The following ADAMTS3 variants were observed in gnomAD, a reference collection of about 807,000 sequenced individuals.
ADAMTS3 encodes the protein ADAM metallopeptidase with thrombospondin type 1 motif 3.
ADAMTS3 carries 73 observed loss-of-function variants against 129.0 expected under a neutral mutation model. The observed-to-expected ratio is 0.57, with a 90% CI of 0.47 to 0.69. The LOEUF (loss-of-function observed/expected upper bound fraction) is 0.69. Ranked by LOEUF, ADAMTS3 falls within the 30% of genes least tolerant of loss-of-function variation. ADAMTS3 has a pLI of 0.00. For missense variants in ADAMTS3, 1,457 were observed against 1,514.5 expected (o/e 0.96, Z 0.63); for synonymous variants, 477 against 510.8 (o/e 0.93, Z 0.89).
intron 3 of ADAMTS3, among the ~76,000 whole-genome samples, chr4:72,427,472 G>T (rs2109941513): frequency 6.6e-6 from 1 of 152,124 alleles, no homozygotes; most frequent in East Asian, 1.9e-4. Context: ...TAAGCTCTCT[G>T]TTCCATGCAA....
At chr4:72,518,665 CTTTT>C (rs979561531) in intron 3 of ADAMTS3, among the ~76,000 whole-genome samples, 1 of 151,874 alleles carries the variant, frequency 6.6e-6, no homozygotes, top group Non-Finnish European at 1.5e-5. Flanking sequence ...GCAACCCCTG[CTTTT>C]TTTTGTTTTC....
chr4:72,390,422 C>T (rs1260501543), intron 4 of ADAMTS3, among the ~76,000 whole-genome samples: 2 of 152,120 alleles, frequency 1.3e-5, no homozygotes, highest in East Asian at 3.9e-4. Flanking sequence ...CCCCATTTTA[C>T]ATGTGTGAAA....
chr4:72,380,518 T>A (rs966854758), intron 4 of ADAMTS3, among the ~76,000 whole-genome samples: 2 of 152,182 alleles, frequency 1.3e-5, no homozygotes, highest in Non-Finnish European at 1.5e-5. Context: ...GCTCACTGGA[T>A]CAAACAAGCA....
intron 4 of ADAMTS3, among the ~76,000 whole-genome samples, chr4:72,411,142 A>T (rs570256090): frequency 6.6e-6 from 1 of 152,284 alleles, no homozygotes; most frequent in Admixed American, 6.5e-5. Flanking sequence ...TGAAAACAAT[A>T]CAACTTTTCT....
At chr4:72,362,385 C>G (rs961802931) in intron 4 of ADAMTS3, among the ~76,000 whole-genome samples, 1 of 152,100 alleles carries the variant, frequency 6.6e-6, no homozygotes. Context: ...GGTGACTAGT[C>G]ATTTGTTTTC....
chr4:72,460,952 A>G (rs1718751242), intron 3 of ADAMTS3, among the ~76,000 whole-genome samples: 1 of 151,718 alleles, frequency 6.6e-6, no homozygotes, highest in Non-Finnish European at 1.5e-5. Flanking sequence ...TATAATATCA[A>G]TAAACCAGAA....
intron 3 of ADAMTS3, among the ~76,000 whole-genome samples, chr4:72,488,069 T>C (rs1719636879): frequency 6.6e-6 from 1 of 152,088 alleles, no homozygotes; most frequent in South Asian, 2.1e-4. Flanking sequence ...CCAGAAAAGT[T>C]ACACAATCAA....
chr4:72,512,803 C>T (rs967786549), intron 3 of ADAMTS3, among the ~76,000 whole-genome samples: 1 of 152,084 alleles, frequency 6.6e-6, no homozygotes, highest in African/African-American at 2.4e-5. Context: ...TTCATTTTTT[C>T]TAAGAGCATG....
intron 2 of ADAMTS3, among the ~76,000 whole-genome samples, chr4:72,551,515 T>C (rs1721645783): frequency 6.6e-6 from 1 of 152,208 alleles, no homozygotes; most frequent in Non-Finnish European, 1.5e-5. Context: ...GAGTCATTTT[T>C]CTGTTGGCAA....
chr4:72,381,113 A>G (rs1721277615), intron 4 of ADAMTS3, among the ~76,000 whole-genome samples: 1 of 152,144 alleles, frequency 6.6e-6, no homozygotes, highest in Non-Finnish European at 1.5e-5. Flanking sequence ...TATTTTTAGT[A>G]TTTGTGACAA....
At chr4:72,367,486 T>A (rs1720897185) in intron 4 of ADAMTS3, among the ~76,000 whole-genome samples, 1 of 152,102 alleles carries the variant, frequency 6.6e-6, no homozygotes, top group Admixed American at 6.5e-5. Flanking sequence ...TATATATACA[T>A]ACATATATAA....
At chr4:72,337,790 C>T (rs545169349) in intron 5 of ADAMTS3, among the ~76,000 whole-genome samples, 20 of 151,990 alleles carry the variant, frequency 1.3e-4, no homozygotes, top group Non-Finnish European at 2.4e-4. Context: ...TTATTGTTTA[C>T]GTTTTTTCCT....
chr4:72,346,525 C>A (rs1211380074), intron 4 of ADAMTS3, among the ~76,000 whole-genome samples: 1 of 152,014 alleles, frequency 6.6e-6, no homozygotes, highest in Non-Finnish European at 1.5e-5. Flanking sequence ...ATAATTGTTG[C>A]TCATTCAGTC....
chr4:72,311,228 G>T (rs759621378), intron 13 of ADAMTS3, 47 bp from the exon 14 acceptor site: 4 of 1,525,428 alleles, frequency 2.6e-6, no homozygotes, highest in Non-Finnish European at 3.6e-6. Context: ...AAAATGGAAT[G>T]TTTGAACAGC....
intron 3 of ADAMTS3, among the ~76,000 whole-genome samples, chr4:72,498,436 A>T (rs1290707941): frequency 1.3e-5 from 2 of 151,718 alleles, no homozygotes; most frequent in Non-Finnish European, 2.9e-5. Context: ...AAAAGCCTGT[A>T]AAAAAAAGAA....
intron 3 of ADAMTS3, among the ~76,000 whole-genome samples, chr4:72,476,926 G>A (rs935323070): frequency 2.6e-5 from 4 of 152,078 alleles, no homozygotes; most frequent in Admixed American, 6.6e-5. Context: ...ATCAAATGAT[G>A]CAGAAAATAC....
chr4:72,484,454 G>A (rs1422909191), intron 3 of ADAMTS3, among the ~76,000 whole-genome samples: 1 of 152,132 alleles, frequency 6.6e-6, no homozygotes, highest in Non-Finnish European at 1.5e-5. Context: ...GGTAAAAAAA[G>A]ACCAAAAGGC....
chr4:72,336,787 G>A (rs969105175), intron 5 of ADAMTS3, among the ~76,000 whole-genome samples: 8 of 151,944 alleles, frequency 5.3e-5, no homozygotes, highest in Admixed American at 6.6e-5. Context: ...TGTCTGTTGC[G>A]CTGTAGGATG....
At position 72,529,312 on chromosome 4, in the gene ADAMTS3, T is replaced by C. The variant is rs558428466; in HGVS notation, c.504+19166A>G. 6.6e-5 allele frequency among the ~76,000 whole-genome samples: 10 copies of C among 152,154 alleles called. No individual in the cohort carries two copies. In the South Asian group the frequency reaches 1.5e-3, roughly 22 times the overall value. On this transcript the variant is annotated intron_variant, in intron 3 of 21. Transcript: ENST00000286657. Reference sequence around the variant, plus strand: ...GTGGCTCTCAAAATGTAGCATCATATGGGAACTGTTAGAAATGCAAACTTT... The same window carrying C: ...GTGGCTCTCAAAATGTAGCATCATACGGGAACTGTTAGAAATGCAAACTTT...
Sources: allele counts gnomAD v4.1 joint callset (sites outside exome capture counted in the v4.1 genomes callset), GRCh38; gene constraint gnomAD v4.1.1; transcripts MANE v1.5; gene names NCBI Gene and HGNC (gene_info 2026-07-23, HGNC 2026-07-21).